RBFOX1: variants seen among roughly 807,000 people sequenced by gnomAD.
RBFOX1 encodes RNA binding fox-1 homolog 1.
In RBFOX1, 8 loss-of-function variants were observed where a neutral mutation model predicts 57.7. The ratio of observed to expected loss-of-function variants is 0.14; its 90% CI spans 0.08 to 0.25. The LOEUF (loss-of-function observed/expected upper bound fraction) is 0.25, where lower values mean the gene tolerates loss of function less well. Ranked by LOEUF, RBFOX1 falls within the 10% of genes least tolerant of loss-of-function variation. RBFOX1 has a pLI of 1.00. For synonymous variants in RBFOX1, 326 were observed against 222.4 expected, an observed-to-expected ratio of 1.47 and a Z score of -4.15; for missense variants, 611 against 548.5, an observed-to-expected ratio of 1.11 and a Z score of -1.14.
chr16:5,593,845 C>G (rs866467498), intron 2 of RBFOX1, among the ~76,000 whole-genome samples: 2 of 152,248 alleles, frequency 1.3e-5, no homozygotes, highest in Middle Eastern at 6.8e-3. Context: ...CTTTCTTGCG[C>G]GAGATCCAAG....
At chr16:5,499,041 C>G (rs574703755) in intron 2 of RBFOX1, among the ~76,000 whole-genome samples, 2 of 152,294 alleles carry the variant, frequency 1.3e-5, no homozygotes, top group South Asian at 2.1e-4. Context: ...GGCCTGGGAT[C>G]TCAATATGCA....
At chr16:6,070,790 G>C (rs368114484) in intron 1 of RBFOX1, among the ~76,000 whole-genome samples, 2 of 151,500 alleles carry the variant, frequency 1.3e-5, no homozygotes, top group Admixed American at 6.6e-5. Flanking sequence ...TAGCTCCTAG[G>C]TAATAAAATT....
rs936869021 is a variant in RBFOX1 at position 6,061,725 on chromosome 16, T to A, written c.-127+41733T>A. Among the ~76,000 whole-genome samples, 9 of 152,082 alleles carry A rather than the reference T, an allele frequency of 5.9e-5. 1 individual carries two copies. The highest frequency in any genetic ancestry group is 5.2e-4 in the Admixed American group (8 of 15,272). On this transcript the variant is annotated intron_variant, in intron 1 of 15. Transcript: ENST00000550418. Reference sequence around the variant, plus strand: ...CTATCATACATAGAAAAAAACAGTGTTTTCACTTTACACTCACACTCATAT... The same window carrying A: ...CTATCATACATAGAAAAAAACAGTGATTTCACTTTACACTCACACTCATAT...
intron 2 of RBFOX1, among the ~76,000 whole-genome samples, chr16:5,530,797 C>T (rs2044435752): frequency 6.6e-6 from 1 of 151,992 alleles, no homozygotes; most frequent in South Asian, 2.1e-4. Context: ...CTTTTAAAAT[C>T]ACAGTCCAGC....
chr16:5,977,771 C>G (rs934931491), intron 4 of RBFOX1, among the ~76,000 whole-genome samples: 2 of 152,172 alleles, frequency 1.3e-5, no homozygotes, highest in East Asian at 1.9e-4. Flanking sequence ...AACTAGCCCA[C>G]TGTCCCGATC....
intron 4 of RBFOX1, among the ~76,000 whole-genome samples, chr16:7,179,058 C>G (rs550800268): frequency 6.6e-6 from 1 of 152,152 alleles, no homozygotes; most frequent in African/African-American, 2.4e-5. Flanking sequence ...ATGGCTATTT[C>G]TTTAATCTGA....
chr16:7,147,302 G>T (rs916913952), intron 4 of RBFOX1, among the ~76,000 whole-genome samples: 9 of 151,536 alleles, frequency 5.9e-5, no homozygotes, highest in Admixed American at 4.6e-4. Context: ...ACCACACCTG[G>T]CCCTATTTTT....
At chr16:6,529,256 C>T (rs2096623343) in intron 2 of RBFOX1, among the ~76,000 whole-genome samples, 2 of 152,150 alleles carry the variant, frequency 1.3e-5, no homozygotes, top group African/African-American at 2.4e-5. Context: ...GTAAGTTCTA[C>T]TATGCATAAA....
chr16:6,058,679 A>C (rs2095645349), intron 1 of RBFOX1, among the ~76,000 whole-genome samples: 1 of 131,818 alleles, frequency 7.6e-6, no homozygotes, highest in East Asian at 2.4e-4. Flanking sequence ...CCCACCATCC[A>C]CCAATCCATT....
intron 2 of RBFOX1, among the ~76,000 whole-genome samples, chr16:5,523,539 C>A (rs974914818): frequency 6.6e-6 from 1 of 152,050 alleles, no homozygotes; most frequent in African/African-American, 2.4e-5. Context: ...TCACCTGAGC[C>A]CAGGATGGTT....
At chr16:6,996,241 T>G (rs1488717392) in intron 3 of RBFOX1, among the ~76,000 whole-genome samples, 1 of 152,250 alleles carries the variant, frequency 6.6e-6, no homozygotes. Context: ...GTTTAGCCTT[T>G]GCTTTTAAAT....
chr16:6,182,965 G>A (rs1044361130), intron 1 of RBFOX1, among the ~76,000 whole-genome samples: 4 of 152,072 alleles, frequency 2.6e-5, no homozygotes, highest in Admixed American at 1.3e-4. Context: ...ATGGGGCGAA[G>A]GATGAAAAGA....
intron 1 of RBFOX1, among the ~76,000 whole-genome samples, chr16:6,025,490 C>A (rs1469527439): frequency 1.3e-5 from 2 of 152,322 alleles, no homozygotes; most frequent in Non-Finnish European, 2.9e-5. Flanking sequence ...TTCAAAGAGG[C>A]AACATCATGT....
At chr16:6,562,606 T>G (rs2153921006) in intron 2 of RBFOX1, among the ~76,000 whole-genome samples, 1 of 152,314 alleles carries the variant, frequency 6.6e-6, no homozygotes, top group South Asian at 2.1e-4. Flanking sequence ...TGTGCAAGTT[T>G]CTAAACATCT....
At chr16:6,834,306 C>G (rs772058847) in intron 3 of RBFOX1, among the ~76,000 whole-genome samples, 2 of 152,024 alleles carry the variant, frequency 1.3e-5, no homozygotes, top group Non-Finnish European at 2.9e-5. Flanking sequence ...AAACTCCCAA[C>G]CTTAAGTGAT....
At chr16:6,790,563 C>T (rs576213500) in intron 3 of RBFOX1, among the ~76,000 whole-genome samples, 1 of 152,162 alleles carries the variant, frequency 6.6e-6, no homozygotes, top group Non-Finnish European at 1.5e-5. Context: ...CCTCTATTCC[C>T]CCAAACCATT....
chr16:6,978,085 G>C (rs966424694), intron 3 of RBFOX1, among the ~76,000 whole-genome samples: 2 of 151,444 alleles, frequency 1.3e-5, no homozygotes, highest in Non-Finnish European at 2.9e-5. Context: ...CTTCATGTGG[G>C]TGTCAATTAC....
chr16:6,494,731 A>G (rs149859893), intron 2 of RBFOX1, among the ~76,000 whole-genome samples: 52 of 152,332 alleles, frequency 3.4e-4, no homozygotes, highest in African/African-American at 1.1e-3. Flanking sequence ...TATGCATATT[A>G]TGGAACACAT....
intron 14 of RBFOX1, among the ~76,000 whole-genome samples, chr16:7,706,307 G>A (rs533134697): frequency 3.3e-5 from 5 of 152,210 alleles, no homozygotes; most frequent in Non-Finnish European, 7.3e-5. Flanking sequence ...GAAGGTAGAG[G>A]TCACCCTGAA....
Sources: allele counts gnomAD v4.1 joint callset (sites outside exome capture counted in the v4.1 genomes callset), GRCh38; gene constraint gnomAD v4.1.1; transcripts MANE v1.5; gene names NCBI Gene and HGNC (gene_info 2026-07-23, HGNC 2026-07-21).